The following SLA variants were observed in gnomAD, a reference collection of about 807,000 sequenced individuals.
SLA encodes Src like adaptor.
In SLA, 16 loss-of-function variants were observed where a neutral mutation model predicts 30.3. That is an observed-to-expected ratio of 0.53 (90% confidence interval 0.36 to 0.80). The LOEUF (loss-of-function observed/expected upper bound fraction) is 0.80, where lower values mean the gene tolerates loss of function less well. Ranked by LOEUF, SLA falls within the 30% of genes least tolerant of loss-of-function variation. The probability of loss-of-function intolerance (pLI) is 0.01; values close to 1 mark genes in which losing one functional copy is unlikely to be tolerated. For synonymous variants in SLA, 143 were observed against 137.8 expected (o/e 1.04, Z -0.26); for missense variants, 310 against 345.2 (o/e 0.90, Z 0.81).
Position 133,074,410 on chromosome 8 carries a change from C to T in SLA, c.-41+443G>A, listed in dbSNP as rs1432765261. ...TGCTGAAACTGGCCTGGGCACCTAG[C>T]ATATGTCAATTTCTTCACTTTGCCC... On this transcript the variant is annotated intron_variant, in intron 2 of 8. Transcript: ENST00000338087. Among the ~76,000 whole-genome samples, 4 of 152,300 alleles carry T rather than the reference C, an allele frequency of 2.6e-5. No homozygotes were observed. The East Asian group carries it at 7.7e-4, about 29-fold the overall frequency.
rs1267856865 is a variant in SLA, at chr8:133,095,439, TC to T, written c.-319+7113del. On this transcript the variant is annotated intron_variant, in intron 1 of 8. Transcript: ENST00000338087. Reference sequence around the variant, plus strand: ...GACAGATGCCTCTGCAATTTGTCTTTCTTATTTATAACATGGGAATAGTTAT... The same window carrying T: ...GACAGATGCCTCTGCAATTTGTCTTTTTATTTATAACATGGGAATAGTTAT... 2.0e-5 allele frequency among the ~76,000 whole-genome samples: 3 copies of T among 152,198 alleles called. No individual in the cohort carries two copies. The East Asian group carries it at 5.8e-4, about 29-fold the overall frequency.
intron 3 of SLA, among the ~76,000 whole-genome samples, chr8:133,059,518 G>A (rs1165147009): frequency 6.6e-6 from 1 of 152,038 alleles, no homozygotes; most frequent in Non-Finnish European, 1.5e-5. Context: ...GCTGACTTTG[G>A]TCATCACTGA....
At chr8:133,076,044 T>G (rs985184845) in intron 1 of SLA, 1 of 152,176 alleles carries the variant, frequency 6.6e-6, no homozygotes, top group African/African-American at 2.4e-5. Flanking sequence ...CTCAGGCACA[T>G]GGGGCTTCAG....
chr8:133,085,417 A>T (rs1322891836), intron 1 of SLA, among the ~76,000 whole-genome samples: 1 of 152,236 alleles, frequency 6.6e-6, no homozygotes, highest in African/African-American at 2.4e-5. Context: ...GTGAAAAGAA[A>T]ATCCACATAA....
At chr8:133,083,957 C>T (rs532382557) in intron 1 of SLA, among the ~76,000 whole-genome samples, 1 of 152,214 alleles carries the variant, frequency 6.6e-6, no homozygotes, top group Non-Finnish European at 1.5e-5. Context: ...CAGGCCATGC[C>T]TCCTGTGGCA....
At chr8:133,084,134 G>A (rs534104558) in intron 1 of SLA, among the ~76,000 whole-genome samples, 70 of 152,256 alleles carry the variant, frequency 4.6e-4, no homozygotes, top group African/African-American at 1.6e-3. Context: ...CTGGCCCATG[G>A]CATTTACTGG....
In SLA at chr8:133,047,848, C is replaced by T. The variant is rs1360288590; in HGVS notation, c.334G>A (p.Glu112Lys). ...CACTCACCTTTCTTGGTCTCACTCT[C>T]TCTGATCATGAAGGAGCCGACCTTT... is the stretch of plus-strand genomic sequence containing the variant. ...DTKVGSFMIR[E>K]SETKKGFYSL... is the part of the protein sequence containing the mutation. The change falls in exon 6 of 9, where the codon GAG becomes AAG. Residue 112 changes from glutamate to lysine, a missense_variant. Coordinates refer to ENST00000338087, the MANE Select transcript of SLA (RefSeq NM_001045556.3). The T allele has an allele frequency of 6.2e-7, 1 of 1,602,692 alleles. No individual in the cohort carries two copies. Among genetic ancestry groups the T allele is most frequent in the Admixed American group, 1.7e-5 (1 of 60,014 alleles).
rs116817719 is a variant in SLA, at chr8:133,047,537, A to G, written c.352+293T>C. ...TCTATCTGCACAGCATGCTGCCTAC[A>G]CACTGCGTTCAGTTTTGTTCTCAGT... On this transcript the variant is annotated intron_variant, in intron 6 of 8. Coordinates refer to ENST00000338087, the MANE Select transcript of SLA (RefSeq NM_001045556.3). 329 of 436,764 alleles carry G rather than the reference A, an allele frequency of 7.5e-4. 3 individuals carry two copies. The highest frequency in any genetic ancestry group is 5.8e-3 in the African/African-American group (289 of 49,832). 27.1% of individuals were successfully genotyped at this position (436,764 alleles called of 1,614,324 possible).
At position 133,044,911 on chromosome 8, in the gene SLA, C is replaced by T. The variant is rs2293208; in HGVS notation, c.484+73G>A. 332 of 1,493,012 alleles carry T rather than the reference C, an allele frequency of 2.2e-4. No homozygotes were observed. The East Asian group carries it at 3.0e-3, about 13-fold the overall frequency. 92.5% of individuals were successfully genotyped at this position (1,493,012 alleles called of 1,614,324 possible). On this transcript the variant is annotated intron_variant, in intron 7 of 8. Coordinates refer to ENST00000338087, the MANE Select transcript of SLA (RefSeq NM_001045556.3). ...AAGCAAGACCCCTCTGCATTCCAGACGGATGGCGCCACAGAGCAATTAGCT... is the reference window on the plus strand; with the variant it reads ...AAGCAAGACCCCTCTGCATTCCAGATGGATGGCGCCACAGAGCAATTAGCT...
At chr8:133,083,568 C>T (rs1040972289) in intron 1 of SLA, among the ~76,000 whole-genome samples, 1 of 152,136 alleles carries the variant, frequency 6.6e-6, no homozygotes, top group Non-Finnish European at 1.5e-5. Flanking sequence ...AAACATAGCA[C>T]ATACCCATTT....
intron 4 of SLA, chr8:133,050,245 A>G: frequency 1.9e-6 from 1 of 516,238 alleles, no homozygotes; most frequent in South Asian, 2.4e-5. Flanking sequence ...TTCAGGGATT[A>G]GCAGCTAATG....
chr8:133,092,397 T>C (rs754441829), intron 1 of SLA, among the ~76,000 whole-genome samples: 7 of 152,360 alleles, frequency 4.6e-5, no homozygotes, highest in South Asian at 4.1e-4. Flanking sequence ...CTCCTCGCCA[T>C]TGAATAGCTA....
At position 133,064,488 on chromosome 8, in the gene SLA, C is replaced by T. The variant is rs187563287; in HGVS notation, c.-40-4288G>A. Among the ~76,000 whole-genome samples the T allele has an allele frequency of 2.0e-5, 3 of 152,320 alleles. No homozygotes were observed. In the East Asian group the frequency reaches 5.8e-4, roughly 29 times the overall value. ...TGTTAGTGTGAGATCAGGGGTTAGT[C>T]ACCTGCCCACTGTCCTGGAGCTGGA... On this transcript the variant is annotated intron_variant, in intron 2 of 8. Transcript: ENST00000338087.
At chr8:133,094,713 C>T in intron 1 of SLA, 2 of 395,350 alleles carry the variant, frequency 5.1e-6, no homozygotes, top group Non-Finnish European at 4.8e-6. Flanking sequence ...AGGACTTTGC[C>T]ACAATCTCCG....
intron 1 of SLA, among the ~76,000 whole-genome samples, chr8:133,096,029 C>T (rs1330663163): frequency 6.6e-6 from 1 of 152,240 alleles, no homozygotes; most frequent in African/African-American, 2.4e-5. Context: ...TTCATTCACC[C>T]TCCAGCCCCT....
At chr8:133,040,642 G>C (rs940283540) in intron 7 of SLA, among the ~76,000 whole-genome samples, 4 of 151,674 alleles carry the variant, frequency 2.6e-5, no homozygotes, top group Non-Finnish European at 4.4e-5. Flanking sequence ...TAGATCTCTA[G>C]GAAGAAAGAT....
chr8:133,049,934 G>A lies in SLA; in HGVS notation c.216C>T (p.Ile72=). ...AAACTCTGGCCACACATATTCCAGG[G>A]ATGTAACTCTCTCGACCAGTGCTAA... ...ISLSTGRESY[I]PGICVARVYH... is the part of the protein sequence containing the mutation. The change falls in exon 5 of 9, where the codon ATC becomes ATT. Residue 72 remains isoleucine, a synonymous_variant. Transcript: ENST00000338087. The A allele has an allele frequency of 6.2e-7, 1 of 1,613,332 alleles. No individual in the cohort carries two copies. The highest frequency in any genetic ancestry group is 8.5e-7 in the Non-Finnish European group (1 of 1,179,268).
intron 2 of SLA, chr8:133,072,845 C>T (rs538885148): frequency 6.6e-6 from 1 of 152,088 alleles, no homozygotes. Context: ...CTGTCTGTTT[C>T]GTTTATATCA....
In SLA at chr8:133,047,889, A is replaced by G; in HGVS notation, c.293T>C (p.Leu98Pro). The change falls in exon 6 of 9, where the codon CTG (leucine) becomes CCG (proline). Residue 98 changes from leucine to proline, a missense_variant. By Grantham distance (98) the Leu-to-Pro change is moderately conservative. Coordinates refer to ENST00000338087, the MANE Select transcript of SLA (RefSeq NM_001045556.3). The part of the protein sequence containing the change: ...GLGRDKAEEL[L>P]QLPDTKVGSF... The stretch of plus-strand genomic sequence containing the variant: ...GCCGACCTTTGTGTCTGGCAGCTGC[A>G]GCAGCTCCTCGGCCTTGTCTCTGCC... The G allele has an allele frequency of 6.2e-7, 1 of 1,613,278 alleles. No individual in the cohort carries two copies.
Sources: allele counts gnomAD v4.1 joint callset (sites outside exome capture counted in the v4.1 genomes callset), GRCh38; gene constraint gnomAD v4.1.1; transcripts MANE v1.5; gene names NCBI Gene and HGNC (gene_info 2026-07-23, HGNC 2026-07-21).